Variants in PLEKHG1 observed in about 807,000 individuals in gnomAD.
The protein encoded by PLEKHG1 is pleckstrin homology and RhoGEF domain containing G1.
Under a neutral mutation model 100.8 loss-of-function variants are expected in PLEKHG1, and 44 were observed. The observed-to-expected ratio is 0.44, with a 90% CI of 0.34 to 0.56. The LOEUF is 0.56. PLEKHG1 is among the 20% of genes least tolerant of loss of function. PLEKHG1 has a pLI of 0.01. For synonymous variants in PLEKHG1, 640 were observed against 662.5 expected (o/e 0.97, Z 0.52); for missense variants, 1,545 against 1,720.9 (o/e 0.90, Z 1.81).
Position 150,672,225 on chromosome 6 carries a change from C to G in PLEKHG1, c.-99+21439C>G, listed in dbSNP as rs115783627. On this transcript the variant is annotated intron_variant, in intron 3 of 3. Coordinates refer to the PLEKHG1 transcript ENST00000367326. ...TAATCCCAATATTTCCCCCACCTAA[C>G]TCACCTTTTATCTGCTGTGCAAGTA... 9.3e-3 allele frequency among the ~76,000 whole-genome samples: 1,424 copies of G among 152,302 alleles called. 18 individuals are homozygous for G. The highest frequency in any genetic ancestry group is 0.033 in the African/African-American group (1,351 of 41,562).
At chr6:150,761,989 A>T (rs1460583304) in intron 2 of PLEKHG1, among the ~76,000 whole-genome samples, 1 of 152,172 alleles carries the variant, frequency 6.6e-6, no homozygotes, top group Non-Finnish European at 1.5e-5. Context: ...GTCACAGCTT[A>T]ACAAGAAGGC....
chr6:150,707,565 A>G (rs1200242583), intron 3 of PLEKHG1, among the ~76,000 whole-genome samples: 1 of 152,112 alleles, frequency 6.6e-6, no homozygotes, highest in Non-Finnish European at 1.5e-5. Context: ...GAGCAAGCTT[A>G]GCTCTACCCA....
intron 2 of PLEKHG1, among the ~76,000 whole-genome samples, chr6:150,642,674 G>A (rs1425709167): frequency 6.6e-6 from 1 of 152,242 alleles, no homozygotes; most frequent in Non-Finnish European, 1.5e-5. Context: ...AATCATGGCT[G>A]CATCCTTAGC....
intron 3 of PLEKHG1, among the ~76,000 whole-genome samples, chr6:150,701,417 TTATATA>T (rs56982419): frequency 0.032 from 1,000 of 30,820 alleles, 8 homozygotes; most frequent in East Asian, 0.064. Flanking sequence ...CAGTAATTCT[TTATATA>T]TATATATATA....
At chr6:150,699,965 T>C (rs1780699693) in intron 3 of PLEKHG1, among the ~76,000 whole-genome samples, 1 of 152,244 alleles carries the variant, frequency 6.6e-6, no homozygotes, top group Admixed American at 6.5e-5. Context: ...AGCCAAATTT[T>C]AGATCACTGG....
At chr6:150,627,918 C>T (rs1450301325) in intron 1 of PLEKHG1, among the ~76,000 whole-genome samples, 4 of 152,200 alleles carry the variant, frequency 2.6e-5, no homozygotes, top group African/African-American at 9.7e-5. Context: ...GTCTTCCAAA[C>T]GTGCTGCTGA....
At chr6:150,630,695 G>T (rs1264277206) in intron 1 of PLEKHG1, among the ~76,000 whole-genome samples, 2 of 152,124 alleles carry the variant, frequency 1.3e-5, no homozygotes, top group Non-Finnish European at 2.9e-5. Context: ...AGGAGAGGGG[G>T]CCGGTGTGGA....
At chr6:150,837,213 C>G (rs1317599438) in intron 15 of PLEKHG1, among the ~76,000 whole-genome samples, 1 of 151,882 alleles carries the variant, frequency 6.6e-6, no homozygotes, top group Non-Finnish European at 1.5e-5. Flanking sequence ...ATTAGCAACA[C>G]AGCAATACAA....
At chr6:150,633,804 T>G (rs2128563086) in intron 1 of PLEKHG1, among the ~76,000 whole-genome samples, 1 of 152,194 alleles carries the variant, frequency 6.6e-6, no homozygotes, top group East Asian at 1.9e-4. Context: ...TCATCCTCCG[T>G]GGAGGCTGAG....
Position 150,640,895 on chromosome 6 carries a change from T to C in PLEKHG1, c.-158+2770T>C, listed in dbSNP as rs375350805. On this transcript the variant is annotated intron_variant, in intron 2 of 3. Transcript: ENST00000367326. Reference sequence around the variant, plus strand: ...GGGACAGATGTTAAAGAAATACCTATAGTTGCTGAATATTTAGATCAGAAA... The same window carrying C: ...GGGACAGATGTTAAAGAAATACCTACAGTTGCTGAATATTTAGATCAGAAA... Among the ~76,000 whole-genome samples, 12 of 152,308 alleles carry C rather than the reference T, an allele frequency of 7.9e-5. No individual in the cohort carries two copies. The East Asian group carries it at 9.6e-4, about 12-fold the overall frequency.
chr6:150,610,566 A>C (rs1046015286), intron 1 of PLEKHG1, among the ~76,000 whole-genome samples: 5 of 152,258 alleles, frequency 3.3e-5, no homozygotes, highest in African/African-American at 1.2e-4. Flanking sequence ...TCACAAATTA[A>C]TTGAGGAATA....
At chr6:150,778,007 T>C (rs369908832) in intron 3 of PLEKHG1, among the ~76,000 whole-genome samples, 13 of 152,382 alleles carry the variant, frequency 8.5e-5, no homozygotes, top group African/African-American at 2.9e-4. Flanking sequence ...GCATATCTTT[T>C]ATAGCGAGAT....
chr6:150,792,090 C>G (rs1315035080), intron 4 of PLEKHG1, among the ~76,000 whole-genome samples: 1 of 152,258 alleles, frequency 6.6e-6, no homozygotes, highest in Non-Finnish European at 1.5e-5. Flanking sequence ...AGTCCTGTAT[C>G]TGAATTATTA....
In PLEKHG1 at chr6:150,734,101, G is replaced by A. The variant is rs748798801; in HGVS notation, c.411+9G>A. The A allele has an allele frequency of 5.0e-6, 8 of 1,591,800 alleles. No individual in the cohort carries two copies. In the South Asian group the frequency reaches 5.6e-5, roughly 11 times the overall value. On this transcript the variant is annotated intron_variant, in intron 2 of 15. Coordinates refer to ENST00000358517, the Ensembl canonical transcript of PLEKHG1. Reference sequence around the variant, plus strand: ...TAAAAAGCATCGTAGAGGTAAGACCGACTTCGCTTTTAATGTTTGCCATGC... The same window carrying A: ...TAAAAAGCATCGTAGAGGTAAGACCAACTTCGCTTTTAATGTTTGCCATGC...
intron 2 of PLEKHG1, among the ~76,000 whole-genome samples, chr6:150,738,781 G>C (rs1782700323): frequency 6.6e-6 from 1 of 152,114 alleles, no homozygotes; most frequent in Admixed American, 6.5e-5. Context: ...TAGAGAAAGA[G>C]GTAAGATCTT....
intron 2 of PLEKHG1, among the ~76,000 whole-genome samples, chr6:150,752,041 C>T (rs554494175): frequency 1.3e-5 from 2 of 152,048 alleles, no homozygotes; most frequent in South Asian, 4.2e-4. Flanking sequence ...ATACAGAAAG[C>T]CGGGCATGGT....
intron 14 of PLEKHG1, among the ~76,000 whole-genome samples, chr6:150,827,373 G>A (rs1013531274): frequency 6.6e-6 from 1 of 151,868 alleles, no homozygotes; most frequent in Non-Finnish European, 1.5e-5. Flanking sequence ...CGCCTCCCGG[G>A]TTCAAGCGGT....
Position 150,634,248 on chromosome 6 carries a change from C to T in PLEKHG1, c.-203-3832C>T, listed in dbSNP as rs73004311. On this transcript the variant is annotated intron_variant, in intron 1 of 3. Coordinates refer to the PLEKHG1 transcript ENST00000367326. ...AACAAGAGCAAAACTCGATCTCCCC[C>T]CCAAAAAAAAAAAAGAAAAAAAGAG... is the stretch of plus-strand genomic sequence containing the variant. Among the ~76,000 whole-genome samples the T allele has an allele frequency of 1.1e-4, 15 of 132,688 alleles. 1 individual carries two copies. The highest frequency in any genetic ancestry group is 5.8e-4 in the African/African-American group (15 of 25,974). The allele number at this position is 132,688 out of a possible 152,430, so 87.0% of individuals were successfully genotyped here.
At position 150,840,127 on chromosome 6, in the gene PLEKHG1, C is replaced by T. The variant is rs775750548; in HGVS notation, c.3389C>T (p.Pro1130Leu). The stretch of plus-strand genomic sequence containing the variant: ...CAATTGTCCGCAGCTTGCTCTGTGC[C>T]TTCTCTTCAAACCTCTGACCCTCTG... The change falls in exon 16 of 16, where the codon CCT (proline) becomes CTT (leucine). Residue 1130 changes from proline to leucine, a missense_variant. Coordinates refer to ENST00000358517, the Ensembl canonical transcript of PLEKHG1. The T allele has an allele frequency of 5.0e-6, 8 of 1,614,086 alleles. No homozygotes were observed. In the African/African-American group the frequency reaches 6.7e-5, roughly 13 times the overall value.
Sources: gnomAD v4.1 joint callset for allele counts (sites outside exome capture counted in the v4.1 genomes callset) on GRCh38, gnomAD v4.1.1 for gene constraint, MANE v1.5 for transcripts, NCBI Gene and HGNC (gene_info 2026-07-23, HGNC 2026-07-21) for gene names.